Variants in GPC3 observed in about 807,000 individuals in gnomAD.
GPC3 encodes the protein glypican 3.
Under a neutral mutation model 34.4 loss-of-function variants are expected in GPC3, and 3 were observed. The observed-to-expected ratio is 0.09, with a 90% CI of 0.04 to 0.23. The LOEUF is 0.23. Ranked by LOEUF, GPC3 falls within the 10% of genes least tolerant of loss-of-function variation. The probability of loss-of-function intolerance (pLI) is 1.00; values close to 1 mark genes in which losing one functional copy is unlikely to be tolerated. For missense variants in GPC3, 351 were observed against 445.6 expected (o/e 0.79, Z 1.91); for synonymous variants, 177 against 174.0 (o/e 1.02, Z -0.13).
intron 2 of GPC3, among the ~76,000 whole-genome samples, chrX:133,827,633 A>T (rs1222504039): frequency 9.0e-6 from 1 of 110,944 alleles, no homozygotes; most frequent in Non-Finnish European, 1.9e-5. Flanking sequence ...AAATACAAAA[A>T]TTAGCTGGGC....
At chrX:133,772,502 G>A (rs1386208786) in intron 2 of GPC3, among the ~76,000 whole-genome samples, 4 of 111,206 alleles carry the variant, frequency 3.6e-5, no homozygotes, top group South Asian at 7.7e-4. Flanking sequence ...TGATGGTATC[G>A]TCATACCCCA....
intron 2 of GPC3, among the ~76,000 whole-genome samples, chrX:133,771,088 C>T (rs905480699): frequency 9.0e-6 from 1 of 111,439 alleles, no homozygotes; most frequent in Non-Finnish European, 1.9e-5. Context: ...TGTCTGCTCT[C>T]GGTACACTGA....
intron 6 of GPC3, among the ~76,000 whole-genome samples, chrX:133,597,171 C>T (rs958840399): frequency 1.8e-5 from 2 of 111,714 alleles, no homozygotes; most frequent in Non-Finnish European, 3.8e-5. Context: ...CAATAAGATG[C>T]TTTTAAATTT....
At chrX:133,870,822 T>C (rs941239923) in intron 2 of GPC3, among the ~76,000 whole-genome samples, 3 of 111,943 alleles carry the variant, frequency 2.7e-5, no homozygotes, top group Non-Finnish European at 5.6e-5. Context: ...ATGTCACCAA[T>C]GACTTTTAGA....
At chrX:133,604,951 A>T (rs759165721) in intron 6 of GPC3, among the ~76,000 whole-genome samples, 1 of 111,997 alleles carries the variant, frequency 8.9e-6, no homozygotes, top group African/African-American at 3.2e-5. Context: ...GGTGACTCCA[A>T]TGAAGCCCAG....
At chrX:133,912,002 A>T (rs1283061647) in intron 2 of GPC3, among the ~76,000 whole-genome samples, 1 of 112,208 alleles carries the variant, frequency 8.9e-6, no homozygotes, top group Non-Finnish European at 1.9e-5. Context: ...GGCCTTCCCT[A>T]ATAATCTGTG....
chrX:133,684,712 A>C (rs1287486466), intron 5 of GPC3, among the ~76,000 whole-genome samples: 4 of 111,000 alleles, frequency 3.6e-5, no homozygotes, highest in African/African-American at 1.3e-4. Flanking sequence ...GCCACCCTAT[A>C]AATTAAAAAA....
chrX:133,779,078 G>A (rs1290049879), intron 2 of GPC3, among the ~76,000 whole-genome samples: 1 of 111,844 alleles, frequency 8.9e-6, no homozygotes, highest in Non-Finnish European at 1.9e-5. Context: ...TAAGTGACTT[G>A]CTTGAAGTTA....
chrX:133,568,022 G>T (rs1425955683), intron 7 of GPC3, among the ~76,000 whole-genome samples: 7 of 112,256 alleles, frequency 6.2e-5, no homozygotes, highest in Non-Finnish European at 1.3e-4. Flanking sequence ...AATCTGAATG[G>T]ATTCAAGTCC....
chrX:133,916,144 CAA>C (rs774691093), intron 2 of GPC3, among the ~76,000 whole-genome samples: 345 of 31,117 alleles, frequency 0.011, 4 homozygotes, highest in African/African-American at 0.038. Flanking sequence ...GACTCTGTCT[CAA>C]AAAAAAAAAA....
intron 6 of GPC3, among the ~76,000 whole-genome samples, chrX:133,659,355 C>G (rs780799926): frequency 8.9e-6 from 1 of 112,137 alleles, no homozygotes. Flanking sequence ...AAGCCCATGT[C>G]TGATGCAGCT....
intron 6 of GPC3, among the ~76,000 whole-genome samples, chrX:133,606,699 C>T (rs775095336): frequency 2.7e-5 from 3 of 111,627 alleles, no homozygotes; most frequent in Admixed American, 9.5e-5. Context: ...GCTTGGATTA[C>T]AGGTGTGAGT....
intron 2 of GPC3, among the ~76,000 whole-genome samples, chrX:133,939,263 A>G (rs1460318851): frequency 8.9e-6 from 1 of 112,298 alleles, no homozygotes; most frequent in Non-Finnish European, 1.9e-5. Flanking sequence ...TTTCAACTGG[A>G]GATGATTGAA....
At chrX:133,916,299 G>T (rs2076224677) in intron 2 of GPC3, among the ~76,000 whole-genome samples, 1 of 110,864 alleles carries the variant, frequency 9.0e-6, no homozygotes, top group Non-Finnish European at 1.9e-5. Flanking sequence ...GGTATAAAAT[G>T]GTATGTATAC....
At chrX:133,861,540 G>A (rs2075936112) in intron 2 of GPC3, among the ~76,000 whole-genome samples, 1 of 111,458 alleles carries the variant, frequency 9.0e-6, no homozygotes, top group Non-Finnish European at 1.9e-5. Flanking sequence ...GAAGGGTTTG[G>A]AAAGCCCAAT....
chrX:133,841,357 GC>G (rs201122037), intron 2 of GPC3, among the ~76,000 whole-genome samples: 2,790 of 105,431 alleles, frequency 0.026, 56 homozygotes, highest in Non-Finnish European at 0.041. Context: ...ACCGTGCCCA[GC>G]CCTAAAGTTG....
chrX:133,899,631 C>T (rs754445270), intron 2 of GPC3, among the ~76,000 whole-genome samples: 11 of 111,094 alleles, frequency 9.9e-5, no homozygotes, highest in East Asian at 5.6e-4. Context: ...TCCCACACTC[C>T]ACCACTACCC....
intron 2 of GPC3, among the ~76,000 whole-genome samples, chrX:133,804,497 A>G (rs1272285156): frequency 9.1e-6 from 1 of 110,373 alleles, no homozygotes; most frequent in East Asian, 2.8e-4. Flanking sequence ...TTTGAGCTCC[A>G]GACAAGCCCA....
At chrX:133,588,155 T>C (rs1383064999) in intron 7 of GPC3, among the ~76,000 whole-genome samples, 3 of 111,262 alleles carry the variant, frequency 2.7e-5, no homozygotes, top group Non-Finnish European at 5.6e-5. Flanking sequence ...GTGGCTTACT[T>C]AGCAGGAAGC....
Sources: gnomAD v4.1 joint callset for allele counts (sites outside exome capture counted in the v4.1 genomes callset) on GRCh38, gnomAD v4.1.1 for gene constraint, MANE v1.5 for transcripts, NCBI Gene and HGNC (gene_info 2026-07-23, HGNC 2026-07-21) for gene names.